CTNNA3: variants seen among roughly 807,000 people sequenced by gnomAD.
CTNNA3 encodes the protein catenin alpha 3.
In CTNNA3, 76 loss-of-function variants were observed where a neutral mutation model predicts 95.7. The ratio of observed to expected loss-of-function variants is 0.79; its 90% CI spans 0.66 to 0.96. The LOEUF is 0.96. CTNNA3 is among the 40% of genes least tolerant of loss of function. The pLI is 0.00. For missense variants in CTNNA3, 1,191 were observed against 1,089.8 expected, an observed-to-expected ratio of 1.09 and a Z score of -1.31; for synonymous variants, 431 against 374.4, an observed-to-expected ratio of 1.15 and a Z score of -1.74.
At chr10:66,107,757 T>C (rs1165464721) in intron 13 of CTNNA3, among the ~76,000 whole-genome samples, 1 of 151,888 alleles carries the variant, frequency 6.6e-6, no homozygotes, top group African/African-American at 2.4e-5. Flanking sequence ...TTTATAAATA[T>C]TTAATATTAA....
chr10:66,664,120 C>A (rs923944607), intron 9 of CTNNA3, among the ~76,000 whole-genome samples: 2 of 151,926 alleles, frequency 1.3e-5, no homozygotes, highest in Admixed American at 6.6e-5. Context: ...TTATCATATA[C>A]AAAAGGTTAA....
At chr10:67,508,445 T>C (rs1383594291) in intron 5 of CTNNA3, among the ~76,000 whole-genome samples, 1 of 152,140 alleles carries the variant, frequency 6.6e-6, no homozygotes, top group Non-Finnish European at 1.5e-5. Flanking sequence ...GTTGGGAAAA[T>C]TGAATATCCA....
At chr10:66,998,012 C>T (rs747623509) in intron 7 of CTNNA3, among the ~76,000 whole-genome samples, 3 of 152,194 alleles carry the variant, frequency 2.0e-5, no homozygotes, top group Non-Finnish European at 2.9e-5. Context: ...AACTGGCCTC[C>T]CTGCCCACCA....
chr10:67,068,911 T>A (rs895875744), intron 7 of CTNNA3, among the ~76,000 whole-genome samples: 5 of 151,958 alleles, frequency 3.3e-5, no homozygotes, highest in Non-Finnish European at 7.4e-5. Context: ...AATACAGAAA[T>A]TAGCTGGGCC....
At position 66,658,847 on chromosome 10, in the gene CTNNA3, C is replaced by A. The variant is rs141660137; in HGVS notation, c.1282-37063G>T. On this transcript the variant is annotated intron_variant, in intron 9 of 17. Transcript: ENST00000433211. ...TAGCTGGGACTACAGGCACCCACGA[C>A]CACACCTGGCTAAGTTTTGTAATTT... 6.6e-5 allele frequency among the ~76,000 whole-genome samples: 10 copies of A among 152,210 alleles called. No individual in the cohort carries two copies. The East Asian group carries it at 1.9e-3, about 29-fold the overall frequency.
At chr10:67,262,189 G>A (rs1042200600) in intron 5 of CTNNA3, among the ~76,000 whole-genome samples, 6 of 152,040 alleles carry the variant, frequency 3.9e-5, no homozygotes, top group African/African-American at 9.7e-5. Flanking sequence ...AAGTTTTCAC[G>A]TATAATAGGA....
chr10:66,357,071 T>C (rs1262714197), intron 12 of CTNNA3, among the ~76,000 whole-genome samples: 1 of 152,134 alleles, frequency 6.6e-6, no homozygotes, highest in Non-Finnish European at 1.5e-5. Flanking sequence ...TTTTGTTTTC[T>C]TCTAATGTCT....
intron 9 of CTNNA3, among the ~76,000 whole-genome samples, chr10:66,739,914 A>C (rs945478600): frequency 6.6e-6 from 1 of 152,170 alleles, no homozygotes; most frequent in South Asian, 2.1e-4. Context: ...AAAAATTCTA[A>C]TTTCTGGCTG....
chr10:66,605,637 G>T (rs150466870), intron 10 of CTNNA3, among the ~76,000 whole-genome samples: 3,630 of 152,242 alleles, frequency 0.024, 87 homozygotes, highest in South Asian at 0.065. Flanking sequence ...AGCCAGAAGA[G>T]ACTGGGGGCC....
At chr10:67,718,015 C>T (rs1020303848) in intron 1 of CTNNA3, among the ~76,000 whole-genome samples, 1 of 152,138 alleles carries the variant, frequency 6.6e-6, no homozygotes, top group Non-Finnish European at 1.5e-5. Context: ...TTATAGTTCT[C>T]CTTGAAGAGG....
At chr10:66,487,753 AAAC>A (rs1315996248) in intron 11 of CTNNA3, among the ~76,000 whole-genome samples, 2 of 152,228 alleles carry the variant, frequency 1.3e-5, no homozygotes, top group Non-Finnish European at 2.9e-5. Flanking sequence ...GCCAACAGTT[AAAC>A]AACACAAACT....
In CTNNA3 at chr10:66,046,809, T is replaced by G. The variant is rs911729440; in HGVS notation, c.2159+22499A>C. On this transcript the variant is annotated intron_variant, in intron 15 of 17. Coordinates refer to ENST00000433211, the MANE Select transcript of CTNNA3 (RefSeq NM_013266.4). The stretch of plus-strand genomic sequence containing the variant: ...AATGTTATTATTGGCCCCACAGAAA[T>G]AAAAAGAACCAAAAAGAACCATCAG... 3.3e-5 allele frequency among the ~76,000 whole-genome samples: 5 copies of G among 151,266 alleles called. No individual in the cohort carries two copies. The East Asian group carries it at 9.7e-4, about 29-fold the overall frequency.
chr10:66,352,293 G>GCAGAGC (rs1047657025), intron 12 of CTNNA3, among the ~76,000 whole-genome samples: 3 of 152,080 alleles, frequency 2.0e-5, no homozygotes, highest in African/African-American at 4.8e-5. Context: ...TGATTTTCAG[G>GCAGAGC]CAGAGCCTCT....
chr10:66,384,742 T>G (rs2092874803), intron 11 of CTNNA3, among the ~76,000 whole-genome samples: 1 of 152,110 alleles, frequency 6.6e-6, no homozygotes, highest in Non-Finnish European at 1.5e-5. Flanking sequence ...ACAAACTGTC[T>G]CTCAGACCAC....
chr10:67,398,923 C>T (rs1486996327), intron 5 of CTNNA3, among the ~76,000 whole-genome samples: 2 of 152,174 alleles, frequency 1.3e-5, no homozygotes, highest in Admixed American at 6.5e-5. Flanking sequence ...GGCCTTCCAG[C>T]CATGTTGAAC....
chr10:67,600,429 G>T (rs141449160), intron 3 of CTNNA3, among the ~76,000 whole-genome samples: 71 of 152,154 alleles, frequency 4.7e-4, no homozygotes, highest in African/African-American at 1.7e-3. Flanking sequence ...TATTATGAAA[G>T]GGAGAAGATA....
intron 10 of CTNNA3, among the ~76,000 whole-genome samples, chr10:66,572,913 A>G (rs1842911351): frequency 6.6e-6 from 1 of 152,120 alleles, no homozygotes; most frequent in Non-Finnish European, 1.5e-5. Context: ...CACTACATTG[A>G]GGCTAACCTG....
chr10:66,996,648 A>C (rs759535993), intron 7 of CTNNA3, among the ~76,000 whole-genome samples: 1 of 114,174 alleles, frequency 8.8e-6, no homozygotes, highest in Non-Finnish European at 1.9e-5. Context: ...CTCCGTCTCT[A>C]CAAAAAAAAA....
intron 1 of CTNNA3, among the ~76,000 whole-genome samples, chr10:67,703,356 C>T (rs1841056711): frequency 6.6e-6 from 1 of 152,120 alleles, no homozygotes; most frequent in African/African-American, 2.4e-5. Context: ...CCTTGATGAA[C>T]ATTGATGCAA....
Sources: gnomAD v4.1 joint callset for allele counts (sites outside exome capture counted in the v4.1 genomes callset) on GRCh38, gnomAD v4.1.1 for gene constraint, MANE v1.5 for transcripts, NCBI Gene and HGNC (gene_info 2026-07-23, HGNC 2026-07-21) for gene names.